The following TOX2 variants were observed in gnomAD, a reference collection of about 807,000 sequenced individuals.
TOX2 encodes TOX high mobility group box family member 2.
TOX2 carries 15 observed loss-of-function variants against 47.4 expected under a neutral mutation model. The ratio of observed to expected loss-of-function variants is 0.32; its 90% CI spans 0.21 to 0.49. The LOEUF is 0.49. TOX2 is among the 20% of genes least tolerant of loss of function. The pLI, the probability that TOX2 is intolerant of heterozygous loss-of-function variation, is 0.99. For synonymous variants in TOX2, 290 were observed against 296.6 expected (o/e 0.98, Z 0.23); for missense variants, 622 against 673.1 (o/e 0.92, Z 0.84).
At chr20:43,934,136 G>GGAGCGAGAGA (rs1555830202) in intron 1 of TOX2, among the ~76,000 whole-genome samples, 1 of 122,084 alleles carries the variant, frequency 8.2e-6, no homozygotes, top group Non-Finnish European at 1.7e-5. Flanking sequence ...CCCAAGGTAA[G>GGAGCGAGAGA]GAGAGAGAGA....
chr20:44,042,657 A>G (rs1317405934), intron 3 of TOX2, among the ~76,000 whole-genome samples: 1 of 152,272 alleles, frequency 6.6e-6, no homozygotes, highest in East Asian at 1.9e-4. Flanking sequence ...TGTTACCCAC[A>G]TTAAAAACAT....
chr20:43,984,589 A>C (rs1452932134), intron 2 of TOX2, among the ~76,000 whole-genome samples: 1 of 152,176 alleles, frequency 6.6e-6, no homozygotes, highest in African/African-American at 2.4e-5. Flanking sequence ...ATTCCTGCCT[A>C]TGAGACGTTT....
rs117716564 is a variant in TOX2, at chr20:43,944,968, A to G, written c.100-28399A>G. ...GTTTAACTGCATTTGTGCGAAAGCT[A>G]ATGAGAGACTGCTGGTTAATCCTTA... On this transcript the variant is annotated intron_variant, in intron 1 of 8. Transcript: ENST00000341197. Among the ~76,000 whole-genome samples the G allele has an allele frequency of 2.6e-4, 40 of 152,312 alleles. No individual in the cohort carries two copies. In the East Asian group the frequency reaches 7.7e-3, roughly 29 times the overall value.
chr20:43,945,723 G>A (rs1361487798), intron 1 of TOX2: 7 of 787,136 alleles, frequency 8.9e-6, no homozygotes, highest in Non-Finnish European at 9.5e-6. Context: ...CTCCGAACAC[G>A]CAGGCCCAAA....
chr20:44,065,779 A>T lies in TOX2; in HGVS notation c.1028A>T (p.Lys343Met), dbSNP rs1569152998. 1 of 1,611,628 alleles carries T rather than the reference A, an allele frequency of 6.2e-7. No individual in the cohort carries two copies. Among genetic ancestry groups the T allele is most frequent in the Non-Finnish European group, 8.5e-7 (1 of 1,178,052 alleles). Residue 343 changes from lysine (K) to methionine (M), a missense_variant, in exon 7 of 9, where the codon AAG becomes ATG. Physicochemically the swap from Lys to Met is moderately conservative, Grantham distance 95. This residue lies in a region of TOX2 where 294 missense variants were observed against 300.0 expected (regional missense o/e 0.98). Transcript: ENST00000341197. ...ANPPAKMLPP[K>M]QPMYAMPGLA... Reference sequence around the variant, plus strand: ...CCACCAGCCAAAATGCTCCCACCCAAGCAGCCCATGTATGCCATGCCAGGC... The same window carrying T: ...CCACCAGCCAAAATGCTCCCACCCATGCAGCCCATGTATGCCATGCCAGGC...
At chr20:43,940,264 G>C (rs2069385154) in intron 1 of TOX2, among the ~76,000 whole-genome samples, 2 of 152,060 alleles carry the variant, frequency 1.3e-5, no homozygotes, top group Non-Finnish European at 2.9e-5. Context: ...CACCCAGACT[G>C]AAGTGTAGTG....
chr20:44,050,514 C>T (rs1406397948), intron 3 of TOX2, among the ~76,000 whole-genome samples: 1 of 152,194 alleles, frequency 6.6e-6, no homozygotes, highest in African/African-American at 2.4e-5. Context: ...ATGCTTCACT[C>T]AACAGGGTGT....
At chr20:43,965,525 A>G (rs2069836026) in intron 1 of TOX2, among the ~76,000 whole-genome samples, 1 of 152,124 alleles carries the variant, frequency 6.6e-6, no homozygotes. Flanking sequence ...ATGAACAGTG[A>G]TTGTTGCCTC....
intron 3 of TOX2, among the ~76,000 whole-genome samples, chr20:44,031,984 A>G (rs899384703): frequency 1.3e-5 from 2 of 152,226 alleles, no homozygotes; most frequent in Admixed American, 6.5e-5. Flanking sequence ...ATAATAAACA[A>G]TAATCTACTA....
intron 1 of TOX2, among the ~76,000 whole-genome samples, chr20:43,921,007 G>C (rs73908109): frequency 0.027 from 4,068 of 152,294 alleles, 181 homozygotes; most frequent in African/African-American, 0.093. Context: ...CTAGGGCTTG[G>C]CAGTTGTAAC....
At chr20:44,062,523 A>C (rs1315844414) in intron 5 of TOX2, among the ~76,000 whole-genome samples, 1 of 152,170 alleles carries the variant, frequency 6.6e-6, no homozygotes, top group East Asian at 1.9e-4. Context: ...AACACATCCC[A>C]TGCTCATGGA....
intron 2 of TOX2, among the ~76,000 whole-genome samples, chr20:43,995,047 C>A (rs1262254421): frequency 6.6e-6 from 1 of 152,026 alleles, no homozygotes; most frequent in Non-Finnish European, 1.5e-5. Flanking sequence ...CCTCCAGAAT[C>A]CACGCTTCAT....
intron 1 of TOX2, among the ~76,000 whole-genome samples, chr20:43,963,045 T>C (rs1329108952): frequency 6.6e-6 from 1 of 152,190 alleles, no homozygotes; most frequent in East Asian, 1.9e-4. Flanking sequence ...GTGGACTTTA[T>C]ACTTACCCAC....
At chr20:44,014,491 A>G (rs1287936945) in intron 3 of TOX2, among the ~76,000 whole-genome samples, 1 of 152,084 alleles carries the variant, frequency 6.6e-6, no homozygotes, top group Admixed American at 6.6e-5. Flanking sequence ...CTTGGCATAC[A>G]GTATCATCTA....
intron 1 of TOX2, among the ~76,000 whole-genome samples, chr20:43,921,417 G>A (rs2145831083): frequency 6.6e-6 from 1 of 152,296 alleles, no homozygotes; most frequent in Non-Finnish European, 1.5e-5. Context: ...ATCAGGGCAG[G>A]CAAGTTATTT....
intron 1 of TOX2, among the ~76,000 whole-genome samples, chr20:43,952,880 G>T (rs997767763): frequency 6.6e-6 from 1 of 152,140 alleles, no homozygotes; most frequent in African/African-American, 2.4e-5. Context: ...ACCTGTGTAT[G>T]TTACTTTAAA....
intron 3 of TOX2, among the ~76,000 whole-genome samples, chr20:44,044,959 G>C (rs1346294639): frequency 6.6e-6 from 1 of 152,206 alleles, no homozygotes; most frequent in Non-Finnish European, 1.5e-5. Context: ...TTCTGATTCA[G>C]CTGCCACGTG....
chr20:43,980,881 T>C (rs1175327312), intron 2 of TOX2, among the ~76,000 whole-genome samples: 1 of 152,238 alleles, frequency 6.6e-6, no homozygotes, highest in East Asian at 1.9e-4. Flanking sequence ...ATATGACTTT[T>C]GTATGGCCAA....
intron 1 of TOX2, among the ~76,000 whole-genome samples, chr20:43,946,591 C>A (rs577291574): frequency 7.9e-5 from 12 of 152,314 alleles, no homozygotes; most frequent in African/African-American, 2.4e-4. Flanking sequence ...GTGAATGCCA[C>A]CTTTTCCGTT....
Sources: allele counts gnomAD v4.1 joint callset (sites outside exome capture counted in the v4.1 genomes callset), GRCh38; gene constraint gnomAD v4.1.1; regional missense constraint gnomAD v4.1.1; transcripts MANE v1.5; gene names NCBI Gene and HGNC (gene_info 2026-07-23, HGNC 2026-07-21).